GRM8: variants seen among roughly 807,000 people sequenced by gnomAD.
GRM8 encodes glutamate metabotropic receptor 8.
Under a neutral mutation model 87.2 loss-of-function variants are expected in GRM8, and 47 were observed. The observed-to-expected ratio is 0.54, with a 90% CI of 0.43 to 0.69. The LOEUF (loss-of-function observed/expected upper bound fraction) is 0.69. Among genes scored for constraint, GRM8 ranks in the 30% least tolerant of loss-of-function variants. GRM8 has a pLI of 0.00. For synonymous variants in GRM8, 396 were observed against 404.5 expected, an observed-to-expected ratio of 0.98 and a Z score of 0.25; for missense variants, 1,019 against 1,139.2, an observed-to-expected ratio of 0.89 and a Z score of 1.52.
At chr7:126,842,420 A>G (rs1232837615) in intron 6 of GRM8, among the ~76,000 whole-genome samples, 1 of 152,222 alleles carries the variant, frequency 6.6e-6, no homozygotes, top group Non-Finnish European at 1.5e-5. Flanking sequence ...GCTAAATACC[A>G]TTTAACTTCT....
chr7:126,892,250 G>A (rs973473027), intron 6 of GRM8, among the ~76,000 whole-genome samples: 14 of 151,780 alleles, frequency 9.2e-5, no homozygotes, highest in South Asian at 2.1e-4. Flanking sequence ...CCATTAACTC[G>A]TCATTTAGCA....
chr7:127,083,596 C>G (rs1229103424), intron 3 of GRM8, among the ~76,000 whole-genome samples: 2 of 148,998 alleles, frequency 1.3e-5, no homozygotes, highest in Non-Finnish European at 3.0e-5. Context: ...AAAACAAGGT[C>G]CCCCCATCAT....
chr7:127,068,760 C>G (rs1390340423), intron 3 of GRM8, among the ~76,000 whole-genome samples: 3 of 152,142 alleles, frequency 2.0e-5, no homozygotes, highest in Non-Finnish European at 4.4e-5. Flanking sequence ...TTACACCACA[C>G]AGTGAGGAGG....
chr7:126,626,882 G>A (rs932126179), intron 7 of GRM8, among the ~76,000 whole-genome samples: 7 of 152,070 alleles, frequency 4.6e-5, no homozygotes, highest in Admixed American at 6.6e-5. Context: ...ATGTAGAACC[G>A]TCTTAATAAT....
chr7:127,025,800 T>C (rs1353110061), intron 3 of GRM8, among the ~76,000 whole-genome samples: 2 of 152,220 alleles, frequency 1.3e-5, no homozygotes, highest in South Asian at 2.1e-4. Context: ...TTGCTCCCAG[T>C]AGAAGCAACT....
intron 3 of GRM8, among the ~76,000 whole-genome samples, chr7:127,074,881 C>A (rs1167303119): frequency 6.6e-6 from 1 of 152,192 alleles, no homozygotes; most frequent in Non-Finnish European, 1.5e-5. Context: ...TCACCCTGAT[C>A]TCTTGATTGA....
intron 2 of GRM8, among the ~76,000 whole-genome samples, chr7:127,224,112 T>C (rs1797160547): frequency 6.6e-6 from 1 of 152,056 alleles, no homozygotes; most frequent in African/African-American, 2.4e-5. Context: ...GTCATCTGAC[T>C]CCCAGAAGGA....
intron 8 of GRM8, among the ~76,000 whole-genome samples, chr7:126,585,334 C>A (rs545494938): frequency 2.6e-5 from 4 of 152,144 alleles, no homozygotes. Context: ...AAAAACACAT[C>A]TCCTAATTTC....
chr7:126,858,622 G>T (rs1415912381), intron 6 of GRM8, among the ~76,000 whole-genome samples: 1 of 152,130 alleles, frequency 6.6e-6, no homozygotes, highest in Non-Finnish European at 1.5e-5. Flanking sequence ...TCTTCCATTG[G>T]CATGATAATG....
rs1043366581 is a variant in GRM8 at position 126,540,835 on chromosome 7, A to G, written c.1495-6948T>C. Among the ~76,000 whole-genome samples the G allele has an allele frequency of 3.3e-5, 5 of 152,354 alleles. No homozygotes were observed. In the East Asian group the frequency reaches 5.8e-4, roughly 18 times the overall value. On this transcript the variant is annotated intron_variant, in intron 8 of 10. Coordinates refer to ENST00000339582, the MANE Select transcript of GRM8 (RefSeq NM_000845.3). ...TGATGAAAATGAACTAAACTTAGAT[A>G]TTGGTGATGGATGTGCAACACTGTG...
intron 3 of GRM8, among the ~76,000 whole-genome samples, chr7:127,076,721 C>A (rs1191757267): frequency 1.3e-5 from 2 of 152,160 alleles, no homozygotes; most frequent in Admixed American, 1.3e-4. Context: ...CTGCTCTTGG[C>A]CATCGTGTCC....
At chr7:126,647,932 G>A (rs1228717784) in intron 7 of GRM8, among the ~76,000 whole-genome samples, 3 of 152,024 alleles carry the variant, frequency 2.0e-5, no homozygotes, top group Non-Finnish European at 4.4e-5. Context: ...ATTCTTCAAT[G>A]GTGTGCCATT....
chr7:126,642,875 T>C (rs1209608821), intron 7 of GRM8, among the ~76,000 whole-genome samples: 1 of 151,980 alleles, frequency 6.6e-6, no homozygotes, highest in African/African-American at 2.4e-5. Flanking sequence ...TTCTTATCCA[T>C]AAAATGGGGG....
intron 3 of GRM8, among the ~76,000 whole-genome samples, chr7:126,993,205 T>TA (rs1208185271): frequency 2.0e-5 from 3 of 152,068 alleles, no homozygotes; most frequent in Non-Finnish European, 4.4e-5. Context: ...ATATACATAA[T>TA]AAAAAACAGG....
At chr7:126,565,072 C>A (rs1282577463) in intron 8 of GRM8, among the ~76,000 whole-genome samples, 1 of 152,084 alleles carries the variant, frequency 6.6e-6, no homozygotes, top group African/African-American at 2.4e-5. Context: ...ATAATAAAGA[C>A]CACATATGAA....
intron 6 of GRM8, among the ~76,000 whole-genome samples, chr7:126,884,564 T>C (rs1800315522): frequency 6.6e-6 from 1 of 152,184 alleles, no homozygotes; most frequent in African/African-American, 2.4e-5. Flanking sequence ...TCAAAGTCAA[T>C]TTAGCAAATA....
intron 9 of GRM8, among the ~76,000 whole-genome samples, chr7:126,505,702 T>G (rs1810351941): frequency 6.6e-6 from 1 of 152,090 alleles, no homozygotes; most frequent in African/African-American, 2.4e-5. Context: ...TGTTGAAGTA[T>G]AATTGTCAAA....
At chr7:126,585,418 G>A (rs754426035) in intron 8 of GRM8, among the ~76,000 whole-genome samples, 5 of 151,976 alleles carry the variant, frequency 3.3e-5, no homozygotes, top group East Asian at 1.9e-4. Context: ...TAAACAACAC[G>A]AAATCCACCC....
intron 7 of GRM8, among the ~76,000 whole-genome samples, chr7:126,617,590 C>A (rs1240092757): frequency 6.6e-6 from 1 of 152,054 alleles, no homozygotes; most frequent in East Asian, 1.9e-4. Context: ...TCAAATTGTC[C>A]CTGTTTGCAG....
Sources: gnomAD v4.1 joint callset for allele counts (sites outside exome capture counted in the v4.1 genomes callset) on GRCh38, gnomAD v4.1.1 for gene constraint, MANE v1.5 for transcripts, NCBI Gene and HGNC (gene_info 2026-07-23, HGNC 2026-07-21) for gene names.